The following GRM8 variants were observed in gnomAD, a reference collection of about 807,000 sequenced individuals.
The protein encoded by GRM8 is metabotropic glutamate receptor 8.
In GRM8, 47 loss-of-function variants were observed where a neutral mutation model predicts 87.2. That is an observed-to-expected ratio of 0.54 (90% CI 0.43 to 0.69). GRM8 has a LOEUF of 0.69. GRM8 is among the 30% of genes least tolerant of loss of function. GRM8 has a pLI of 0.00. For missense variants in GRM8, 1,019 were observed against 1,139.2 expected (o/e 0.89, Z 1.52); for synonymous variants, 396 against 404.5 (o/e 0.98, Z 0.25).
chr7:126,548,991 G>C (rs1482147010), intron 8 of GRM8, among the ~76,000 whole-genome samples: 2 of 152,144 alleles, frequency 1.3e-5, no homozygotes, highest in East Asian at 3.8e-4. Flanking sequence ...AAAGTAGGGA[G>C]AGCTAAAAGT....
chr7:126,780,703 A>G (rs1819975926), intron 6 of GRM8, among the ~76,000 whole-genome samples: 1 of 152,006 alleles, frequency 6.6e-6, no homozygotes, highest in Admixed American at 6.6e-5. Context: ...GCAGGGGAAG[A>G]AGGAGGGAGG....
At chr7:127,223,445 A>G (rs10231321) in intron 2 of GRM8, among the ~76,000 whole-genome samples, 276 of 23,668 alleles carry the variant, frequency 0.012, 1 homozygote, top group African/African-American at 0.077. Flanking sequence ...ACACACACGC[A>G]CACACACACA....
rs1379902975 is a variant in GRM8, at chr7:126,815,822, C to T, written c.1157-45757G>A. 2.6e-5 allele frequency among the ~76,000 whole-genome samples: 4 copies of T among 152,044 alleles called. No homozygotes were observed. The South Asian group carries it at 8.3e-4, about 32-fold the overall frequency. On this transcript the variant is annotated intron_variant, in intron 6 of 10. Coordinates refer to ENST00000339582, the MANE Select transcript of GRM8 (RefSeq NM_000845.3). ...ATCTAGAGTCTTAGATACTTCTGTG[C>T]AGCCACTCTCTTATCAGATGATAGC...
chr7:127,147,143 G>T lies in GRM8; in HGVS notation c.511-40431C>A, dbSNP rs566227632. Among the ~76,000 whole-genome samples the T allele has an allele frequency of 2.0e-5, 3 of 152,090 alleles. No individual in the cohort carries two copies. In the East Asian group the frequency reaches 5.8e-4, roughly 29 times the overall value. ...AGGTTCAGTAGACATAGAGGCACTA[G>T]ATTCAACAATATTGAATTTACAAAA... On this transcript the variant is annotated intron_variant, in intron 2 of 10. Transcript: ENST00000339582.
intron 3 of GRM8, among the ~76,000 whole-genome samples, chr7:127,054,809 T>C (rs536481261): frequency 1.7e-4 from 26 of 152,138 alleles, no homozygotes; most frequent in African/African-American, 6.3e-4. Flanking sequence ...ATAGATATGG[T>C]AGTGTACAGA....
intron 2 of GRM8, among the ~76,000 whole-genome samples, chr7:127,142,590 C>T (rs150894425): frequency 1.1e-3 from 167 of 152,076 alleles, no homozygotes; most frequent in South Asian, 4.2e-3. Flanking sequence ...GCACTGTAAG[C>T]AAATAGTAAG....
chr7:126,563,134 A>C (rs1246097626), intron 8 of GRM8, among the ~76,000 whole-genome samples: 1 of 152,144 alleles, frequency 6.6e-6, no homozygotes, highest in African/African-American at 2.4e-5. Flanking sequence ...CTCATGTTAC[A>C]CTGCACTTAG....
chr7:126,584,396 G>A (rs1585124744), intron 8 of GRM8, among the ~76,000 whole-genome samples: 1 of 151,700 alleles, frequency 6.6e-6, no homozygotes, highest in Non-Finnish European at 1.5e-5. Context: ...GACTAATTTT[G>A]GTATTTTTAG....
chr7:126,546,050 CA>C (rs1385042481), intron 8 of GRM8, among the ~76,000 whole-genome samples: 1 of 151,928 alleles, frequency 6.6e-6, no homozygotes, highest in African/African-American at 2.4e-5. Context: ...TAAAGATAGC[CA>C]AAGAGGTTTG....
At chr7:126,479,703 G>A (rs1285974562) in intron 9 of GRM8, among the ~76,000 whole-genome samples, 1 of 151,876 alleles carries the variant, frequency 6.6e-6, no homozygotes, top group Non-Finnish European at 1.5e-5. Flanking sequence ...GGATTTTTAT[G>A]TGGACTTTCA....
intron 2 of GRM8, among the ~76,000 whole-genome samples, chr7:127,124,929 A>G (rs2133197455): frequency 6.6e-6 from 1 of 152,292 alleles, no homozygotes; most frequent in East Asian, 1.9e-4. Context: ...GAAAAAATTT[A>G]ACATCCATTC....
At chr7:126,479,878 T>C (rs149625596) in intron 9 of GRM8, among the ~76,000 whole-genome samples, 3 of 152,182 alleles carry the variant, frequency 2.0e-5, no homozygotes, top group Non-Finnish European at 2.9e-5. Flanking sequence ...CTCAGCAATA[T>C]ACAAGGTTCC....
intron 3 of GRM8, among the ~76,000 whole-genome samples, chr7:127,101,261 C>T (rs144671224): frequency 2.2e-3 from 328 of 152,208 alleles, no homozygotes; most frequent in African/African-American, 7.0e-3. Flanking sequence ...TTGCAATGGA[C>T]GCTGAACTGG....
chr7:126,951,282 G>GA (rs1808123930), intron 3 of GRM8, among the ~76,000 whole-genome samples: 1 of 152,100 alleles, frequency 6.6e-6, no homozygotes, highest in Non-Finnish European at 1.5e-5. Flanking sequence ...TATCTACAGA[G>GA]GGCAGGTGTC....
chr7:126,586,250 T>C (rs992274337), intron 8 of GRM8, among the ~76,000 whole-genome samples: 1 of 152,110 alleles, frequency 6.6e-6, no homozygotes, highest in Non-Finnish European at 1.5e-5. Context: ...AAAATGGCCA[T>C]ACTGCCCAAG....
At chr7:127,123,914 A>T (rs1323172412) in intron 2 of GRM8, among the ~76,000 whole-genome samples, 2 of 152,012 alleles carry the variant, frequency 1.3e-5, no homozygotes, top group Non-Finnish European at 2.9e-5. Flanking sequence ...TACAAGAAAA[A>T]ATGTCACCTT....
intron 3 of GRM8, among the ~76,000 whole-genome samples, chr7:126,989,202 A>G (rs1200818406): frequency 6.6e-6 from 1 of 152,186 alleles, no homozygotes; most frequent in Non-Finnish European, 1.5e-5. Context: ...ACCTAAGTAC[A>G]TTAATTAACC....
chr7:126,477,631 GAA>G (rs1160671067), intron 9 of GRM8, among the ~76,000 whole-genome samples: 229 of 129,446 alleles, frequency 1.8e-3, no homozygotes, highest in African/African-American at 6.7e-3. Context: ...AAGAAAGAAA[GAA>G]AGAAAAAACG....
rs926030399 is a variant in GRM8, at chr7:127,107,047, G to A, written c.511-335C>T. Reference sequence around the variant, plus strand: ...TTTAGTCTGTACATGATAAGCTCTGGTGCAGAAAGGAGAGAAAAATGAAGG... The same window carrying A: ...TTTAGTCTGTACATGATAAGCTCTGATGCAGAAAGGAGAGAAAAATGAAGG... On this transcript the variant is annotated intron_variant, in intron 2 of 10. Transcript: ENST00000339582. Among the ~76,000 whole-genome samples the A allele has an allele frequency of 3.2e-4, 49 of 152,078 alleles. 1 individual carries two copies. The highest frequency in any genetic ancestry group is 1.2e-3 in the African/African-American group (48 of 41,408).
Sources: allele counts gnomAD v4.1 joint callset (sites outside exome capture counted in the v4.1 genomes callset), GRCh38; gene constraint gnomAD v4.1.1; transcripts MANE v1.5; gene names NCBI Gene and HGNC (gene_info 2026-07-23, HGNC 2026-07-21).